The following PLXNA4 variants were observed in gnomAD, a reference collection of about 807,000 sequenced individuals.
PLXNA4 encodes plexin-A4.
PLXNA4 carries 44 observed loss-of-function variants against 191.8 expected under a neutral mutation model. The observed-to-expected ratio is 0.23, with a 90% CI of 0.18 to 0.29. The LOEUF is 0.29. PLXNA4 is among the 10% of genes least tolerant of loss of function. The pLI is 1.00. For synonymous variants in PLXNA4, 1,082 were observed against 1,009.5 expected, an observed-to-expected ratio of 1.07 and a Z score of -1.36; for missense variants, 1,800 against 2,488.8, an observed-to-expected ratio of 0.72 and a Z score of 5.89.
At chr7:132,469,412 T>A (rs1006649929) in intron 3 of PLXNA4, among the ~76,000 whole-genome samples, 8 of 152,182 alleles carry the variant, frequency 5.3e-5, no homozygotes, top group African/African-American at 1.9e-4. Context: ...CCATTCCCTC[T>A]CTTCCTCTCC....
intron 3 of PLXNA4, among the ~76,000 whole-genome samples, chr7:132,305,406 A>ACACACACACT (rs1491312866): frequency 4.3e-5 from 6 of 140,074 alleles, no homozygotes; most frequent in African/African-American, 1.4e-4. Context: ...ACACACACAC[A>ACACACACACT]CTCTACTCTG....
rs780512220 is a variant in PLXNA4, at chr7:132,211,057, G to T, written c.2184C>A (p.Pro728=). ...KPITLKAKNL[P]QPQSGQRGYE... ...AGCCACGCTGCCCAGACTGGGGCTGGGGGAGGTTCTTGGCCTTCAGCGTGA... is the reference window on the plus strand; with the variant it reads ...AGCCACGCTGCCCAGACTGGGGCTGTGGGAGGTTCTTGGCCTTCAGCGTGA... The change falls in exon 10 of 32, where the codon CCC becomes CCA. Residue 728 remains proline, a synonymous_variant. Transcript: ENST00000321063. 1 of 1,612,584 alleles carries T rather than the reference G, an allele frequency of 6.2e-7. No individual in the cohort carries two copies. The highest frequency in any genetic ancestry group is 1.1e-5 in the South Asian group (1 of 90,680).
At chr7:132,346,388 AC>A (rs1319691652) in intron 3 of PLXNA4, among the ~76,000 whole-genome samples, 3 of 152,214 alleles carry the variant, frequency 2.0e-5, no homozygotes, top group African/African-American at 4.8e-5. Context: ...ATATTAAGTG[AC>A]CTACTCAAGT....
intron 2 of PLXNA4, among the ~76,000 whole-genome samples, chr7:132,593,794 A>G (rs999495507): frequency 9.9e-5 from 15 of 152,246 alleles, no homozygotes; most frequent in African/African-American, 3.6e-4. Context: ...GAAGGGCCAT[A>G]CAATAGGGGA....
chr7:132,222,134 T>C (rs1441579613), intron 9 of PLXNA4, among the ~76,000 whole-genome samples: 1 of 152,206 alleles, frequency 6.6e-6, no homozygotes, highest in African/African-American at 2.4e-5. Flanking sequence ...CCAGACAACA[T>C]CTCCACTCCT....
At chr7:132,513,863 T>A (rs1428286469) in intron 1 of PLXNA4, among the ~76,000 whole-genome samples, 2 of 151,182 alleles carry the variant, frequency 1.3e-5, no homozygotes, top group Non-Finnish European at 2.9e-5. Flanking sequence ...TTAGTAGAGA[T>A]GGGGTTTCAC....
chr7:132,150,170 G>A (rs1378346829), intron 25 of PLXNA4, among the ~76,000 whole-genome samples: 2 of 152,232 alleles, frequency 1.3e-5, no homozygotes, highest in Admixed American at 6.5e-5. Flanking sequence ...GATTGCTCAT[G>A]GTGATTATGG....
intron 3 of PLXNA4, among the ~76,000 whole-genome samples, chr7:132,445,923 A>G (rs952871737): frequency 7.2e-5 from 11 of 152,178 alleles, no homozygotes; most frequent in Admixed American, 1.3e-4. Context: ...GTTAAAGAGC[A>G]AAAACTCCCG....
At chr7:132,485,436 T>A (rs1268807398) in intron 3 of PLXNA4, among the ~76,000 whole-genome samples, 1 of 152,062 alleles carries the variant, frequency 6.6e-6, no homozygotes. Context: ...AATTCACCAC[T>A]GAACAGCAGC....
At chr7:132,517,043 C>A (rs1384730063) in intron 1 of PLXNA4, among the ~76,000 whole-genome samples, 1 of 152,212 alleles carries the variant, frequency 6.6e-6, no homozygotes, top group Non-Finnish European at 1.5e-5. Context: ...CACTGGCAAG[C>A]TCTGCAGATC....
intron 3 of PLXNA4, among the ~76,000 whole-genome samples, chr7:132,392,604 C>T (rs1793544966): frequency 6.6e-6 from 1 of 152,232 alleles, no homozygotes; most frequent in Non-Finnish European, 1.5e-5. Flanking sequence ...CACTGTCTGG[C>T]CTCAGTGCTC....
In PLXNA4 at chr7:132,202,751, C is replaced by T; in HGVS notation, c.2481G>A (p.Gln827=). 1 of 1,611,890 alleles carries T rather than the reference C, an allele frequency of 6.2e-7. No homozygotes were observed. Among genetic ancestry groups the T allele is most frequent in the South Asian group, 1.1e-5 (1 of 90,776 alleles). The change falls in exon 12 of 32, where the codon CAG becomes CAA. Residue 827 remains glutamine, a synonymous_variant. Transcript: ENST00000321063. The part of the protein sequence containing the change: ...ADPDFACGWC[Q]GPGQCTLRQH... ...GGCGCAGGGTGCACTGGCCTGGGCC[C>T]TGGCACCAGCCACATGCGAAGTCTG...
intron 3 of PLXNA4, among the ~76,000 whole-genome samples, chr7:132,356,942 G>A (rs1052839597): frequency 5.9e-5 from 9 of 151,862 alleles, no homozygotes; most frequent in African/African-American, 2.2e-4. Context: ...ATTAGAGGAT[G>A]AGGAAGACAG....
At chr7:132,468,974 G>T (rs1277173024) in intron 3 of PLXNA4, among the ~76,000 whole-genome samples, 1 of 151,912 alleles carries the variant, frequency 6.6e-6, no homozygotes, top group Non-Finnish European at 1.5e-5. Context: ...ATGCTCGAAA[G>T]CTTCCAGCCT....
At chr7:132,282,218 T>C (rs1295155661) in intron 4 of PLXNA4, among the ~76,000 whole-genome samples, 1 of 152,198 alleles carries the variant, frequency 6.6e-6, no homozygotes, top group Non-Finnish European at 1.5e-5. Context: ...TAGTTACATA[T>C]GTATACATGT....
intron 5 of PLXNA4, among the ~76,000 whole-genome samples, chr7:132,230,212 T>A (rs1416085295): frequency 6.6e-6 from 1 of 152,156 alleles, no homozygotes; most frequent in Non-Finnish European, 1.5e-5. Context: ...CTTGTCAGGA[T>A]GTGTTGGGAC....
In PLXNA4 at chr7:132,383,459, C is replaced by T. The variant is rs926219366; in HGVS notation, c.1372-85237G>A. ...AGAAAACAATAAATAAACCACACCTCATCCCATTTTCCAAGCACAACTACT... is the reference window on the plus strand; with the variant it reads ...AGAAAACAATAAATAAACCACACCTTATCCCATTTTCCAAGCACAACTACT... On this transcript the variant is annotated intron_variant, in intron 3 of 31. Transcript: ENST00000321063. 1.0e-5 allele frequency: 6 copies of T among 574,826 alleles called. No individual in the cohort carries two copies. In the South Asian group the frequency reaches 3.9e-4, roughly 37 times the overall value. 35.6% of individuals were successfully genotyped at this position (574,826 alleles called of 1,614,324 possible).
chr7:132,151,183 GAAGA>G (rs556093597), intron 25 of PLXNA4, among the ~76,000 whole-genome samples: 95 of 151,618 alleles, frequency 6.3e-4, no homozygotes, highest in Non-Finnish European at 1.2e-3. Flanking sequence ...GAAAGAATAA[GAAGA>G]AAGGAGAAAG....
intron 4 of PLXNA4, among the ~76,000 whole-genome samples, chr7:132,268,146 G>A (rs1799925740): frequency 6.6e-6 from 1 of 152,176 alleles, no homozygotes; most frequent in East Asian, 1.9e-4. Flanking sequence ...TTATGAACTT[G>A]CCAGCCTCTA....
Sources: gnomAD v4.1 joint callset for allele counts (sites outside exome capture counted in the v4.1 genomes callset) on GRCh38, gnomAD v4.1.1 for gene constraint, MANE v1.5 for transcripts, NCBI Gene and HGNC (gene_info 2026-07-23, HGNC 2026-07-21) for gene names.